The following OPLAH variants were observed in gnomAD, a reference collection of about 807,000 sequenced individuals.
OPLAH encodes the protein 5-oxoprolinase.
Under a neutral mutation model 122.8 loss-of-function variants are expected in OPLAH, and 103 were observed. The observed-to-expected ratio is 0.84, with a 90% confidence interval of 0.71 to 0.99. OPLAH has a LOEUF of 0.99. Ranked by LOEUF, OPLAH falls within the 50% of genes least tolerant of loss-of-function variation. OPLAH has a pLI of 0.00. For synonymous variants in OPLAH, 875 were observed against 796.0 expected, an observed-to-expected ratio of 1.10 and a Z score of -1.67; for missense variants, 1,902 against 1,836.5, an observed-to-expected ratio of 1.04 and a Z score of -0.65.
Position 144,059,761 on chromosome 8 carries a change from C to T in OPLAH, c.201G>A (p.Gln67=). The stretch of plus-strand genomic sequence containing the variant: ...TGGCGATATGACTGGAGTCCAGCGG[C>T]TGGTCCCGGGGCAGGAGCATGCCGG... ...QEAGMLLPRD[Q]PLDSSHIASI... is the part of the protein sequence containing the mutation. The change falls in exon 3 of 27, where the codon CAG becomes CAA. Residue 67 remains glutamine, a synonymous_variant. Transcript: ENST00000618853. 2.5e-6 allele frequency: 4 copies of T among 1,609,336 alleles called. No individual in the cohort carries two copies. The East Asian group carries it at 8.9e-5, about 36-fold the overall frequency.
At position 144,055,729 on chromosome 8, in the gene OPLAH, G is replaced by A; in HGVS notation, c.2248+59C>T. ...TCTCCCTTTGGGCACAGCCCTGCCA[G>A]CTACCCCATGACACAGCCGGCGCCT... On this transcript the variant is annotated intron_variant, in intron 16 of 26. Transcript: ENST00000618853. This position sits in a 1 kb window ranked among gnomAD's most constrained non-coding sequence, Gnocchi z 6.5. The A allele has an allele frequency of 7.0e-7, 1 of 1,430,136 alleles. No individual in the cohort carries two copies. The highest frequency in any genetic ancestry group is 9.2e-7 in the Non-Finnish European group (1 of 1,087,456). 88.6% of individuals were successfully genotyped at this position (1,430,136 alleles called of 1,614,324 possible). A position where few individuals can be genotyped will look rare whatever the true frequency, so the allele number is the denominator to read the frequency against.
At chr8:144,056,779 T>A (rs782353251) in intron 12 of OPLAH, 24 bp from the exon 13 acceptor site, 3 of 1,590,670 alleles carry the variant, frequency 1.9e-6, no homozygotes, top group Non-Finnish European at 2.6e-6. Context: ...TTGGGGGCAC[T>A]CACACCAAAC....
rs948462181 is a variant in OPLAH at position 144,051,442 on chromosome 8, C to G, written c.3751G>C (p.Gly1251Arg). ...DVFCLHTPGG[G>R]GYGDPEDPAP... ...GGGTCCTCCGGGTCCCCATAGCCAC[C>G]GCCGCCGGGCGTGTGGAGACAGAAC... Residue 1251 changes from glycine (G) to arginine (R), a missense_variant, in exon 27 of 27, where the codon GGT (glycine) becomes CGT (arginine). Physicochemically the swap from Gly to Arg is moderately radical, Grantham distance 125. Transcript: ENST00000618853. 5.2e-6 allele frequency: 8 copies of G among 1,531,844 alleles called. No individual in the cohort carries two copies. The South Asian group carries it at 7.1e-5, about 14-fold the overall frequency. The allele number at this position is 1,531,844 out of a possible 1,614,324, so 94.9% of individuals were successfully genotyped here.
chr8:144,057,241 C>T lies in OPLAH; in HGVS notation c.1502G>A (p.Arg501Gln), dbSNP rs78071726. The T allele has an allele frequency of 8.8e-4, 1,418 of 1,612,246 alleles. 8 individuals are homozygous for T. The African/African-American group carries it at 0.017, about 19-fold the overall frequency. ...AGGQHACAIA[R>Q]ALGMDTVHIH... ...GTGCACCGTGTCCATGCCCAGGGCC[C>T]GGGCGATGGCACATGCATGCTGCCC... Residue 501 changes from arginine (R) to glutamine (Q), a missense_variant, in exon 11 of 27, where the codon CGG becomes CAG. By Grantham distance (43) the Arg-to-Gln change is conservative. Coordinates refer to ENST00000618853, the MANE Select transcript of OPLAH (RefSeq NM_017570.5).
Position 144,059,721 on chromosome 8 carries a change from T to G in OPLAH, c.241A>C (p.Thr81Pro), listed in dbSNP as rs1554760421. The G allele has an allele frequency of 6.2e-7, 1 of 1,611,536 alleles. No individual in the cohort carries two copies. The highest frequency in any genetic ancestry group is 1.3e-5 in the African/African-American group (1 of 75,068). ...AGCAGTGCGTTGGTGGCCACTGTGG[T>G]GCCCATGCGGATGCTGGCGATATGA... Reference protein sequence around the residue: ...SSHIASIRMGTTVATNALLER... With the variant: ...SSHIASIRMGPTVATNALLER... The change falls in exon 3 of 27, where the codon ACC becomes CCC. Residue 81 changes from threonine to proline, a missense_variant. Thr to Pro is a conservative substitution (Grantham distance 38, BLOSUM62 -1). Transcript: ENST00000618853.
intron 26 of OPLAH, 29 bp from the exon 27 acceptor site, chr8:144,051,501 G>T: frequency 7.0e-7 from 1 of 1,436,374 alleles, no homozygotes. Flanking sequence ...GCGGGGAGGC[G>T]GGCTCAGTGC....
At chr8:144,060,203 C>T (rs898384725) in intron 1 of OPLAH, 118 bp from the exon 2 acceptor site, 6 of 748,128 alleles carry the variant, frequency 8.0e-6, no homozygotes, top group Non-Finnish European at 1.3e-5. Context: ...TGGGAAGAGC[C>T]AGAGCCGCAG....
At position 144,055,167 on chromosome 8, in the gene OPLAH, C is replaced by A. The variant is rs368508235; in HGVS notation, c.2271G>T (p.Gln757His). 2.6e-6 allele frequency: 4 copies of A among 1,554,754 alleles called. No individual in the cohort carries two copies. Among genetic ancestry groups the A allele is most frequent in the Non-Finnish European group, 3.5e-6 (4 of 1,152,102 alleles). Reference sequence around the variant, plus strand: ...TGATGTTGGTGGAGATGGCTGTGCGCTGCAGGATGCGGCCCATCTGCTCTA... The same window carrying A: ...TGATGTTGGTGGAGATGGCTGTGCGATGCAGGATGCGGCCCATCTGCTCTA... ...SIAEQMGRIL[Q>H]RTAISTNIKE... The change falls in exon 17 of 27, where the codon CAG becomes CAT. Residue 757 changes from glutamine (Q) to histidine (H), a missense_variant. Transcript: ENST00000618853. The surrounding 1 kb of genome is among the most constrained non-coding windows in gnomAD (Gnocchi z 6.5).
chr8:144,057,979 G>C, intron 8 of OPLAH, 31 bp downstream of exon 8: 1 of 1,612,164 alleles, frequency 6.2e-7, no homozygotes, highest in Non-Finnish European at 8.5e-7. Context: ...GACAGGGCTG[G>C]GGTCCCAGCC....
chr8:144,060,162 T>C (rs935517699), intron 1 of OPLAH, 77 bp from the exon 2 acceptor site: 2 of 1,067,972 alleles, frequency 1.9e-6, no homozygotes, highest in Admixed American at 2.8e-5. Context: ...ATGCGGGGGG[T>C]TCCTGAGGGA....
Position 144,057,036 on chromosome 8 carries a change from C to A in OPLAH, c.1618G>T (p.Ala540Ser), listed in dbSNP as rs557568006. Residue 540 changes from alanine (A) to serine (S), a missense_variant, in exon 12 of 27, where the codon GCG becomes TCG. By Grantham distance (99) the Ala-to-Ser change is moderately conservative (BLOSUM62 1). This residue lies in a region of OPLAH where 1,726 missense variants were observed against 1,642.1 expected (regional missense o/e 1.05). Coordinates refer to ENST00000618853, the MANE Select transcript of OPLAH (RefSeq NM_017570.5). ...TCCAGCTGCACGAAGGTCTCAGGCG[C>A]GTAGAGCAGGGAGCAGGGTTCCTGT... ...EAQEPCSLLYAPETFVQLDQR... is the reference protein window; with the variant it reads ...EAQEPCSLLYSPETFVQLDQR... 2.5e-6 allele frequency: 4 copies of A among 1,600,436 alleles called. No homozygotes were observed. In the African/African-American group the frequency reaches 5.3e-5, roughly 21 times the overall value.
At chr8:144,051,027 C>G, downstream of OPLAH, 13 of 1,227,806 alleles carry the variant, frequency 1.1e-5, no homozygotes, top group South Asian at 1.6e-4. Context: ...GAGAGGTCGG[C>G]GCCTGGACTA....
rs1554757856 is a variant in OPLAH at position 144,052,244 on chromosome 8, C to G, written c.3386G>C (p.Ser1129Thr). ...TVAGGAGAGP[S>T]WHGRSGVHSH... is the part of the protein sequence containing the mutation. ...GTGCACACCGCTGCGCCCGTGCCAGCTGGGACCCGCGCCCGCGCCGCCCGC... is the reference window on the plus strand; with the variant it reads ...GTGCACACCGCTGCGCCCGTGCCAGGTGGGACCCGCGCCCGCGCCGCCCGC... Residue 1129 changes from serine (S) to threonine (T), a missense_variant, in exon 24 of 27, where the codon AGC becomes ACC. By Grantham distance (58) the Ser-to-Thr change is moderately conservative (BLOSUM62 1). Transcript: ENST00000618853. 40 of 1,551,088 alleles carry G rather than the reference C, an allele frequency of 2.6e-5. No homozygotes were observed. The highest frequency in any genetic ancestry group is 3.3e-5 in the Non-Finnish European group (38 of 1,153,852).
In OPLAH at chr8:144,055,792, A is replaced by C. The variant is rs1347907357; in HGVS notation, c.2244T>G (p.Ile748Met). ...LSIFSHRFMS[I>M]AEQMGRILQR... is the part of the protein sequence containing the mutation. The stretch of plus-strand genomic sequence containing the variant: ...AGCCTGGCAGCGGCCACTCACCAGC[A>C]ATGCTCATGAAGCGGTGTGAGAAGA... The change falls in exon 16 of 27, where the codon ATT (isoleucine) becomes ATG (methionine). Residue 748 changes from isoleucine (I) to methionine (M), a missense_variant. By Grantham distance (10) the Ile-to-Met change is conservative. This residue lies in a region of OPLAH where 1,726 missense variants were observed against 1,642.1 expected (regional missense o/e 1.05). Transcript: ENST00000618853. This position sits in a 1 kb window ranked among gnomAD's most constrained non-coding sequence, Gnocchi z 6.5. The C allele has an allele frequency of 6.5e-7, 1 of 1,529,810 alleles. No individual in the cohort carries two copies. The highest frequency in any genetic ancestry group is 8.8e-7 in the Non-Finnish European group (1 of 1,134,860). 94.8% of individuals were successfully genotyped at this position (1,529,810 alleles called of 1,614,324 possible).
intron 8 of OPLAH, 39 bp from the exon 9 acceptor site, chr8:144,057,962 G>C (rs1438061874): frequency 1.9e-6 from 3 of 1,611,910 alleles, no homozygotes; most frequent in African/African-American, 2.7e-5. Context: ...TTGGACACGA[G>C]GAGGGAGACA....
At position 144,058,683 on chromosome 8, in the gene OPLAH, T is replaced by C. The variant is rs1554760116; in HGVS notation, c.596A>G (p.Gln199Arg). The C allele has an allele frequency of 1.3e-6, 2 of 1,589,160 alleles. No individual in the cohort carries two copies. Among genetic ancestry groups the C allele is most frequent in the East Asian group, 2.2e-5 (1 of 44,596 alleles). Residue 199 changes from glutamine (Q) to arginine (R), a missense_variant, in exon 6 of 27, where the codon CAG (glutamine) becomes CGG (arginine). By Grantham distance (43) the Gln-to-Arg change is conservative. Coordinates refer to ENST00000618853, the MANE Select transcript of OPLAH (RefSeq NM_017570.5). ...CAGCACACCCACCTGCTGCTCATGC[T>C]GGGCCCACCTATGACAAAAACCCAG... is the stretch of plus-strand genomic sequence containing the variant. ...VVLMHSYTWA[Q>R]HEQQVGVLAR...
chr8:144,056,128 T>C lies in OPLAH; in HGVS notation c.2096+19A>G. The C allele has an allele frequency of 1.3e-6, 2 of 1,597,124 alleles. No homozygotes were observed. The highest frequency in any genetic ancestry group is 1.7e-6 in the Non-Finnish European group (2 of 1,167,444). ...GTGGACCCGTCCACATCCTCCACCC[T>C]GGCCGGACTTCAGCCCACCTGTTAC... On this transcript the variant is annotated intron_variant, in intron 15 of 26. Transcript: ENST00000618853.
Position 144,058,382 on chromosome 8 carries a change from C to T in OPLAH, c.806G>A (p.Arg269His), listed in dbSNP as rs782121458. 20 of 1,592,748 alleles carry T rather than the reference C, an allele frequency of 1.3e-5. No homozygotes were observed. The highest frequency in any genetic ancestry group is 9.1e-5 in the East Asian group (4 of 44,112). ...QLKDVQVLFM[R>H]SDGGLAPMDT... ...CATGGGCGCCAGGCCGCCATCGGAG[C>T]GCATGAACAACACCTGCACATCCTG... The change falls in exon 7 of 27, where the codon CGC (arginine) becomes CAC (histidine). Residue 269 changes from arginine to histidine, a missense_variant. Physicochemically the swap from Arg to His is conservative, Grantham distance 29. Transcript: ENST00000618853.
chr8:144,050,543 C>T (rs1835349494), downstream of OPLAH: 1 of 985,674 alleles, frequency 1.0e-6, no homozygotes, highest in Non-Finnish European at 1.2e-6. Flanking sequence ...CTGCAGACCA[C>T]CGGCTAGAGC....
Sources: gnomAD v4.1 joint callset for allele counts on GRCh38, gnomAD v4.1.1 for gene constraint, gnomAD v4.1.1 regional missense constraint, Gnocchi (gnomAD v3.1) non-coding constraint, MANE v1.5 for transcripts, NCBI Gene and HGNC (gene_info 2026-07-23, HGNC 2026-07-21) for gene names.